The following TRIM63 variants were observed in gnomAD, a reference collection of about 807,000 sequenced individuals.
The protein encoded by TRIM63 is tripartite motif containing 63.
A neutral mutation model predicts 46.0 loss-of-function variants in TRIM63; 48 were observed. That is an observed-to-expected ratio of 1.04 (90% confidence interval 0.83 to 1.33). The LOEUF is 1.33. TRIM63 is among the 40% of genes most tolerant of loss of function. The pLI is 0.00. For missense variants in TRIM63, 455 were observed against 441.2 expected (o/e 1.03, Z -0.28); for synonymous variants, 175 against 162.8 (o/e 1.08, Z -0.57).
intron 1 of TRIM63, 115 bp downstream of exon 1, chr1:26,067,221 C>G (rs978465906): frequency 7.5e-7 from 1 of 1,336,792 alleles, no homozygotes; most frequent in Non-Finnish European, 1.0e-6. Context: ...TGCAGGGGTT[C>G]ACTTCCAAGG....
intron 2 of TRIM63, 101 bp downstream of exon 2, chr1:26,066,167 C>G: frequency 7.4e-7 from 1 of 1,344,118 alleles, no homozygotes; most frequent in Non-Finnish European, 1.0e-6. Context: ...CAGCTAGAGG[C>G]CTGGATCCTG....
intron 1 of TRIM63, among the ~76,000 whole-genome samples, chr1:26,066,796 C>A (rs1437773212): frequency 1.3e-5 from 2 of 152,116 alleles, no homozygotes; most frequent in Admixed American, 1.3e-4. Flanking sequence ...CGTGAAAGAA[C>A]ATTTTGTAAA....
chr1:26,051,719 C>G lies in TRIM63; in HGVS notation c.*154G>C. ...GCAGCGGTGAGGGTCCTACCCTAGT[C>G]CCTGCTCTCTGAGCAGAGAGAAGAC... is the stretch of plus-strand genomic sequence containing the variant. On this transcript the variant is annotated 3_prime_UTR_variant, in exon 9 of 9. Transcript: ENST00000374272. The G allele has an allele frequency of 2.0e-6, 1 of 490,484 alleles. No homozygotes were observed. Among genetic ancestry groups the G allele is most frequent in the South Asian group, 1.1e-4 (1 of 9,152 alleles). 30.4% of individuals were successfully genotyped at this position (490,484 alleles called of 1,614,324 possible).
At chr1:26,054,990 T>C (rs968402096) in intron 7 of TRIM63, among the ~76,000 whole-genome samples, 2 of 150,030 alleles carry the variant, frequency 1.3e-5, no homozygotes, top group African/African-American at 5.0e-5. Flanking sequence ...AAAAAAATAG[T>C]ATCTCCAAAA....
intron 4 of TRIM63, among the ~76,000 whole-genome samples, 183 bp from the exon 5 acceptor site, chr1:26,058,806 ATT>A (rs1237332536): frequency 1.3e-5 from 2 of 152,166 alleles, no homozygotes; most frequent in Non-Finnish European, 2.9e-5. Flanking sequence ...CCTCACAGCT[ATT>A]TAGTACGCCA....
rs1305105151 is a variant in TRIM63, at chr1:26,058,557, C to T, written c.664G>A (p.Glu222Lys). The change falls in exon 5 of 9, where the codon GAG (glutamate) becomes AAG (lysine). Residue 222 changes from glutamate (E) to lysine (K), a missense_variant. By Grantham distance (56) the Glu-to-Lys change is moderately conservative. Transcript: ENST00000374272. ...KFDTLYAILDEKKSELLQRIT... is the reference protein window; with the variant it reads ...KFDTLYAILDKKKSELLQRIT... ...CGCTGCAGCAACTCACTTTTCTTCT[C>T]ATCCAGGATGGCATACAACGTGTCA... is the stretch of plus-strand genomic sequence containing the variant. 3 of 1,614,214 alleles carry T rather than the reference C, an allele frequency of 1.9e-6. No individual in the cohort carries two copies. Among genetic ancestry groups the T allele is most frequent in the South Asian group, 2.2e-5 (2 of 91,078 alleles).
Position 26,067,467 on chromosome 1 carries a change from C to A in TRIM63, c.28G>T (p.Asp10Tyr), listed in dbSNP as rs1426328782. 6.2e-7 allele frequency: 1 copy of A among 1,614,132 alleles called. No individual in the cohort carries two copies. Among genetic ancestry groups the A allele is most frequent in the Non-Finnish European group, 8.5e-7 (1 of 1,180,022 alleles). MDYKSSLIQ[D>Y]GNPMENLEKQ... ...TCCAAGTTCTCCATGGGATTCCCAT[C>A]CTGGATCAGGCTCGACTTATAATCC... is the stretch of plus-strand genomic sequence containing the variant. Residue 10 changes from aspartate to tyrosine, a missense_variant, in exon 1 of 9, where the codon GAT (aspartate) becomes TAT (tyrosine). Asp to Tyr is a radical substitution (Grantham distance 160). Transcript: ENST00000374272.
rs2050690404 is a variant in TRIM63 at position 26,067,600 on chromosome 1, G to A, written c.-106C>T. ...GTCACAAAACACCGGGTCGGATCCT[G>A]TTGGCTTCCTTCTCCTGGTGCCCGA... On this transcript the variant is annotated 5_prime_UTR_variant, in exon 1 of 9. Transcript: ENST00000374272. 2 of 1,292,404 alleles carry A rather than the reference G, an allele frequency of 1.5e-6. No homozygotes were observed. The highest frequency in any genetic ancestry group is 1.5e-5 in the South Asian group (1 of 68,756). The allele number at this position is 1,292,404 out of a possible 1,614,324, so 80.1% of individuals were successfully genotyped here.
rs2050690142 is a variant in TRIM63, at chr1:26,067,572, T to A, written c.-78A>T. The A allele has an allele frequency of 2.6e-6, 4 of 1,518,168 alleles. No homozygotes were observed. The highest frequency in any genetic ancestry group is 2.7e-5 in the African/African-American group (2 of 72,874). 94.0% of individuals were successfully genotyped at this position (1,518,168 alleles called of 1,614,324 possible). A position where few individuals can be genotyped will look rare whatever the true frequency, so the allele number is the denominator to read the frequency against. On this transcript the variant is annotated 5_prime_UTR_variant, in exon 1 of 9. The change creates a new upstream start codon in the 5' untranslated region. Coordinates refer to ENST00000374272, the MANE Select transcript of TRIM63 (RefSeq NM_032588.4). ...TCTAAGTAGACCTGGGGGTCTTGCC[T>A]TTGTCACAAAACACCGGGTCGGATC... is the stretch of plus-strand genomic sequence containing the variant.
chr1:26,055,603 C>T (rs932111635), intron 7 of TRIM63, among the ~76,000 whole-genome samples: 10 of 151,896 alleles, frequency 6.6e-5, no homozygotes, highest in South Asian at 2.1e-4. Flanking sequence ...CTCCTCCTCC[C>T]GGATTCAAGC....
chr1:26,061,058 TCCTGAAAGG>T, intron 3 of TRIM63, 99 bp downstream of exon 3: 5 of 1,267,770 alleles, frequency 3.9e-6, no homozygotes, highest in Non-Finnish European at 5.5e-6. Context: ...GAGAGACTAT[TCCTGAAAGG>T]CCAGATCAGC....
intron 5 of TRIM63, among the ~76,000 whole-genome samples, 162 bp downstream of exon 5, chr1:26,058,227 TG>T (rs977803114): frequency 7.2e-5 from 11 of 152,156 alleles, no homozygotes; most frequent in Non-Finnish European, 1.3e-4. Context: ...AAGAGGAAGG[TG>T]GGGGGTGTTA....
Position 26,053,893 on chromosome 1 carries a change from C to T in TRIM63, c.1051G>A (p.Gly351Arg), listed in dbSNP as rs202001619. Residue 351 changes from glycine (G) to arginine (R), a missense_variant and splice_region_variant, in exon 8 of 9, where the codon GGA becomes AGA. Transcript: ENST00000374272. ...GAATGGAGGTAGATGAATTTCTTAC[C>T]TTCTTCCTTCCCTTCTGTGGACTCT... The part of the protein sequence containing the change: ...EEESTEGKEE[G>R]HQ 1.3e-6 allele frequency: 2 copies of T among 1,590,896 alleles called. No individual in the cohort carries two copies. Among genetic ancestry groups the T allele is most frequent in the East Asian group, 4.5e-5 (2 of 44,164 alleles).
At position 26,060,355 on chromosome 1, in the gene TRIM63, G is replaced by A. The variant is rs150788546; in HGVS notation, c.508C>T (p.Leu170=). 15 of 1,613,662 alleles carry A rather than the reference G, an allele frequency of 9.3e-6. No individual in the cohort carries two copies. Among genetic ancestry groups the A allele is most frequent in the Non-Finnish European group, 1.3e-5 (15 of 1,179,848 alleles). The change falls in exon 4 of 9, where the codon CTG becomes TTG. Residue 170 remains leucine (L), a synonymous_variant. Coordinates refer to ENST00000374272, the MANE Select transcript of TRIM63 (RefSeq NM_032588.4). ...ACCAGCATGGAGATACAGTTATTCA[G>A]TTCAGTCTAGATGGGGGTGTGGGGG... The part of the protein sequence containing the change: ...QSVFQGQKTE[L]NNCISMLVAG...
chr1:26,058,279 G>A, intron 5 of TRIM63, 111 bp downstream of exon 5: 1 of 908,630 alleles, frequency 1.1e-6, no homozygotes. Flanking sequence ...GCTCACAGAG[G>A]TTTAAATGGC....
chr1:26,066,556 C>T, intron 1 of TRIM63, 116 bp from the exon 2 acceptor site: 1 of 938,092 alleles, frequency 1.1e-6, no homozygotes, highest in Non-Finnish European at 1.5e-6. Flanking sequence ...AACCTAACAA[C>T]CTGGAGCTCT....
rs778756156 is a variant in TRIM63 at position 26,058,371 on chromosome 1, C to A, written c.831+19G>T. ...TAGAGTTGAACTGACCCCACCCAGACCCTTCTAGTCCTGCTCACCAAGAGG... is the reference window on the plus strand; with the variant it reads ...TAGAGTTGAACTGACCCCACCCAGAACCTTCTAGTCCTGCTCACCAAGAGG... On this transcript the variant is annotated intron_variant, in intron 5 of 8. Coordinates refer to ENST00000374272, the MANE Select transcript of TRIM63 (RefSeq NM_032588.4). 5 of 1,608,548 alleles carry A rather than the reference C, an allele frequency of 3.1e-6. No individual in the cohort carries two copies. Among genetic ancestry groups the A allele is most frequent in the South Asian group, 1.1e-5 (1 of 90,934 alleles).
chr1:26,055,635 C>T (rs1355748468), intron 7 of TRIM63, among the ~76,000 whole-genome samples: 2 of 152,152 alleles, frequency 1.3e-5, no homozygotes, highest in South Asian at 2.1e-4. Context: ...TTCAGCCTCC[C>T]GAGTTAGCTG....
At chr1:26,066,125 G>A in intron 2 of TRIM63, 143 bp downstream of exon 2, 2 of 962,896 alleles carry the variant, frequency 2.1e-6, no homozygotes, top group Non-Finnish European at 3.2e-6. Context: ...TGGGTCTCCA[G>A]TCCTGTCTCT....
Sources: gnomAD v4.1 joint callset for allele counts (sites outside exome capture counted in the v4.1 genomes callset) on GRCh38, gnomAD v4.1.1 for gene constraint, MANE v1.5 for transcripts, NCBI Gene and HGNC (gene_info 2026-07-23, HGNC 2026-07-21) for gene names.